DGKB: variants seen among roughly 807,000 people sequenced by gnomAD.
DGKB encodes the protein 90 kDa diacylglycerol kinase.
A neutral mutation model predicts 114.3 loss-of-function variants in DGKB; 67 were observed. The observed-to-expected ratio is 0.59, with a 90% CI of 0.48 to 0.72. DGKB has a LOEUF of 0.72. Ranked by LOEUF, DGKB falls within the 30% of genes least tolerant of loss-of-function variation. The pLI, the probability that DGKB is intolerant of heterozygous loss-of-function variation, is 0.00. For missense variants in DGKB, 907 were observed against 975.2 expected, an observed-to-expected ratio of 0.93 and a Z score of 0.93; for synonymous variants, 398 against 323.1, an observed-to-expected ratio of 1.23 and a Z score of -2.49.
At chr7:14,853,510 A>C (rs1562723079) in intron 1 of DGKB, among the ~76,000 whole-genome samples, 1 of 151,946 alleles carries the variant, frequency 6.6e-6, no homozygotes, top group Non-Finnish European at 1.5e-5. Flanking sequence ...GGAATGTTTA[A>C]GCCATAAATT....
At chr7:14,929,741 C>G (rs1472388553) in intron 1 of DGKB, among the ~76,000 whole-genome samples, 1 of 151,994 alleles carries the variant, frequency 6.6e-6, no homozygotes, top group Non-Finnish European at 1.5e-5. Context: ...TCCCATTTAT[C>G]TATTTTTGTT....
chr7:14,479,007 G>A (rs1050442033), intron 20 of DGKB, among the ~76,000 whole-genome samples: 1 of 151,972 alleles, frequency 6.6e-6, no homozygotes, highest in Non-Finnish European at 1.5e-5. Context: ...TTTCAAGCAC[G>A]GACTGCTCCA....
intron 13 of DGKB, among the ~76,000 whole-genome samples, chr7:14,638,819 A>G (rs979289054): frequency 1.3e-5 from 2 of 152,056 alleles, no homozygotes; most frequent in African/African-American, 4.8e-5. Context: ...AGGCAAGTGG[A>G]TCATCTGAGG....
intron 20 of DGKB, among the ~76,000 whole-genome samples, chr7:14,554,516 T>C (rs567355618): frequency 1.3e-5 from 2 of 152,292 alleles, no homozygotes; most frequent in East Asian, 1.9e-4. Context: ...CCCTGTGGAA[T>C]AGATTTTTAG....
At chr7:14,643,563 G>A (rs993865667) in intron 13 of DGKB, among the ~76,000 whole-genome samples, 3 of 152,100 alleles carry the variant, frequency 2.0e-5, no homozygotes, top group African/African-American at 7.2e-5. Context: ...GGAACTGGTG[G>A]TACAACTGTG....
intron 23 of DGKB, among the ~76,000 whole-genome samples, chr7:14,296,191 C>A (rs914636217): frequency 2.0e-5 from 3 of 151,928 alleles, no homozygotes; most frequent in Non-Finnish European, 2.9e-5. Context: ...GCCACCATGC[C>A]CAGCTAATTT....
intron 21 of DGKB, among the ~76,000 whole-genome samples, chr7:14,351,453 G>GGA (rs573890266): frequency 1.1e-3 from 170 of 152,290 alleles, no homozygotes; most frequent in Middle Eastern, 6.8e-3. Context: ...CAGTGCAGAG[G>GGA]GAAAGGGAGG....
intron 5 of DGKB, among the ~76,000 whole-genome samples, chr7:14,720,634 T>C (rs1031563114): frequency 6.6e-6 from 1 of 152,150 alleles, no homozygotes; most frequent in Admixed American, 6.5e-5. Flanking sequence ...TGAGCCACCA[T>C]GCCCGGCCCC....
intron 20 of DGKB, among the ~76,000 whole-genome samples, chr7:14,499,520 A>G (rs1785805759): frequency 6.6e-6 from 1 of 151,810 alleles, no homozygotes; most frequent in Non-Finnish European, 1.5e-5. Context: ...CTTCTTGAAT[A>G]CCAAAAGTTA....
chr7:14,953,229 T>TCAAAGA (rs1786306730), intron 1 of DGKB, among the ~76,000 whole-genome samples: 1 of 152,068 alleles, frequency 6.6e-6, no homozygotes, highest in Non-Finnish European at 1.5e-5. Flanking sequence ...AATTTTAAAG[T>TCAAAGA]TCTGTGCTTC....
At chr7:14,852,494 A>AG (rs1849535241) in intron 1 of DGKB, among the ~76,000 whole-genome samples, 1 of 148,638 alleles carries the variant, frequency 6.7e-6, no homozygotes, top group Non-Finnish European at 1.5e-5. Context: ...AGTCAAAAAA[A>AG]AAACAGAAAT....
At chr7:14,923,520 T>A (rs1042761779) in intron 1 of DGKB, among the ~76,000 whole-genome samples, 1 of 152,230 alleles carries the variant, frequency 6.6e-6, no homozygotes, top group Non-Finnish European at 1.5e-5. Context: ...TAAAATTATT[T>A]GAAATTCATA....
At chr7:14,364,204 A>T (rs531039084) in intron 21 of DGKB, among the ~76,000 whole-genome samples, 3 of 152,196 alleles carry the variant, frequency 2.0e-5, no homozygotes, top group Admixed American at 2.0e-4. Flanking sequence ...AGTTCTGTTA[A>T]AAACAAGATT....
chr7:14,672,262 AT>A (rs1188355738), intron 13 of DGKB, among the ~76,000 whole-genome samples: 1 of 152,102 alleles, frequency 6.6e-6, no homozygotes, highest in African/African-American at 2.4e-5. Flanking sequence ...TGGATATAAA[AT>A]AGTTTGTTTT....
chr7:14,548,353 A>G (rs186147702), intron 20 of DGKB, among the ~76,000 whole-genome samples: 10 of 152,340 alleles, frequency 6.6e-5, no homozygotes, highest in Admixed American at 6.5e-4. Flanking sequence ...TTACATAAAG[A>G]TATGCAACAG....
chr7:14,309,548 A>G (rs1384757699), intron 23 of DGKB, among the ~76,000 whole-genome samples: 1 of 152,224 alleles, frequency 6.6e-6, no homozygotes, highest in Non-Finnish European at 1.5e-5. Context: ...TGATACATGA[A>G]TATCTGGAGC....
chr7:14,960,601 T>A (rs1786784472), intron 1 of DGKB, among the ~76,000 whole-genome samples: 1 of 152,010 alleles, frequency 6.6e-6, no homozygotes, highest in Non-Finnish European at 1.5e-5. Flanking sequence ...TTGAGAAAAA[T>A]TTATTATACA....
intron 23 of DGKB, among the ~76,000 whole-genome samples, chr7:14,235,592 A>C (rs1289243953): frequency 6.6e-6 from 1 of 152,078 alleles, no homozygotes; most frequent in Non-Finnish European, 1.5e-5. Context: ...AAAAATGTGC[A>C]ACTCAAAGTT....
chr7:14,236,853 T>C (rs1792868808), intron 23 of DGKB, among the ~76,000 whole-genome samples: 1 of 151,862 alleles, frequency 6.6e-6, no homozygotes, highest in East Asian at 1.9e-4. Context: ...TGTAGACCCC[T>C]AAACATTTTC....
Sources: allele counts gnomAD v4.1 joint callset (sites outside exome capture counted in the v4.1 genomes callset), GRCh38; gene constraint gnomAD v4.1.1; transcripts MANE v1.5; gene names NCBI Gene and HGNC (gene_info 2026-07-23, HGNC 2026-07-21).